Variants in CHM observed in about 807,000 individuals in gnomAD.
CHM encodes CHM Rab escort protein, also known as rab proteins geranylgeranyltransferase component A 1.
CHM carries 10 observed loss-of-function variants against 49.0 expected under a neutral mutation model. That is an observed-to-expected ratio of 0.20 (90% CI 0.13 to 0.35). The LOEUF is 0.35. CHM is among the 10% of genes least tolerant of loss of function. CHM has a pLI of 1.00. For missense variants in CHM, 455 were observed against 478.4 expected (o/e 0.95, Z 0.46); for synonymous variants, 184 against 167.5 (o/e 1.10, Z -0.76).
intron 2 of CHM, among the ~76,000 whole-genome samples, chrX:86,001,247 C>T (rs1603275344): frequency 9.1e-6 from 1 of 110,292 alleles, no homozygotes; most frequent in Non-Finnish European, 1.9e-5. Context: ...TAAATAGAAA[C>T]GACATGCATA....
chrX:85,930,372 A>C (rs1315814073), intron 8 of CHM, among the ~76,000 whole-genome samples: 1 of 111,558 alleles, frequency 9.0e-6, no homozygotes, highest in Non-Finnish European at 1.9e-5. Context: ...TCTGTTTTCA[A>C]AGAGGACATA....
intron 4 of CHM, among the ~76,000 whole-genome samples, chrX:85,976,865 AACACACACAAACACAC>A (rs1280812554): frequency 1.5e-3 from 108 of 71,153 alleles, no homozygotes; most frequent in African/African-American, 4.5e-3. Flanking sequence ...CTAGGGGGAA[AACACACACAAACACAC>A]ACACACACAC....
At chrX:85,957,060 A>C (rs1207780389) in intron 7 of CHM, among the ~76,000 whole-genome samples, 6 of 112,299 alleles carry the variant, frequency 5.3e-5, no homozygotes, top group Non-Finnish European at 7.5e-5. Context: ...TGAATTTTAC[A>C]CAGCCACTGT....
At chrX:85,887,223 C>A (rs932577247) in intron 12 of CHM, among the ~76,000 whole-genome samples, 2 of 110,233 alleles carry the variant, frequency 1.8e-5, no homozygotes, top group East Asian at 2.9e-4. Flanking sequence ...ATGGACCCAG[C>A]GGGAGGTAAC....
At chrX:85,949,366 T>G (rs1156867610) in intron 8 of CHM, among the ~76,000 whole-genome samples, 2 of 111,808 alleles carry the variant, frequency 1.8e-5, no homozygotes, top group African/African-American at 6.5e-5. Context: ...AACATTCCAT[T>G]TTTGTAAAAC....
At position 86,036,305 on chromosome X, in the gene CHM, T is replaced by TG. The variant is rs796785919; in HGVS notation, c.50-8749dup. The stretch of plus-strand genomic sequence containing the variant: ...GAAAGGCGAGACAACTCAAAGCTGG[T>TG]GGGGGGGGAAGTGCTTCCAGGCTAT... On this transcript the variant is annotated intron_variant, in intron 1 of 14. Coordinates refer to ENST00000357749, the MANE Select transcript of CHM (RefSeq NM_000390.4). 1.3e-4 allele frequency among the ~76,000 whole-genome samples: 14 copies of TG among 110,422 alleles called. No homozygotes were observed. In the South Asian group the frequency reaches 2.0e-3, roughly 15 times the overall value.
In CHM at chrX:85,864,685, G is replaced by T; in HGVS notation, c.1907C>A (p.Ser636Ter). 1 of 1,209,655 alleles carries T rather than the reference G, an allele frequency of 8.3e-7. No homozygotes were observed. The highest frequency in any genetic ancestry group is 1.8e-5 in the South Asian group (1 of 56,630). ...GTTTGTGCTTTCCTTGAAAGTCTCC[G>T]AGTTAGCCTCTGGTATGGCACTGGA... Reference protein sequence around the residue: ...SESSAIPEANSETFKESTNLG... With the variant: ...SESSAIPEAN The change falls in exon 15 of 15, where the codon TCG (serine) becomes TAG (stop). Residue 636 changes from serine to a stop codon, truncating the protein, a stop_gained. Transcript: ENST00000357749. LOFTEE classifies it high-confidence loss of function.
chrX:85,933,926 T>C (rs974182865), intron 8 of CHM, among the ~76,000 whole-genome samples: 1 of 111,704 alleles, frequency 9.0e-6, no homozygotes, highest in Admixed American at 9.5e-5. Flanking sequence ...GTGTTGTCAC[T>C]CAGTACATGA....
chrX:85,908,982 C>T (rs913984036), intron 9 of CHM, among the ~76,000 whole-genome samples: 2 of 111,659 alleles, frequency 1.8e-5, no homozygotes, highest in African/African-American at 3.3e-5. Flanking sequence ...AAAGAACTAT[C>T]TAAGAACTCA....
chrX:85,919,526 T>C (rs1460491075), intron 8 of CHM, among the ~76,000 whole-genome samples: 2 of 110,976 alleles, frequency 1.8e-5, no homozygotes, highest in Non-Finnish European at 3.8e-5. Flanking sequence ...TAACTACTTA[T>C]AGTAAATCAT....
At chrX:85,876,297 T>C (rs1300827390) in intron 13 of CHM, among the ~76,000 whole-genome samples, 1 of 111,604 alleles carries the variant, frequency 9.0e-6, no homozygotes, top group Non-Finnish European at 1.9e-5. Flanking sequence ...AAAGAAAATA[T>C]GCCCAAATAA....
chrX:85,957,796 A>G, intron 7 of CHM, 59 bp downstream of exon 7: 1 of 1,172,103 alleles, frequency 8.5e-7, no homozygotes, highest in Non-Finnish European at 1.2e-6. Context: ...CAGAGCAAGC[A>G]TATTAAAATA....
chrX:86,014,577 G>C (rs946048894), intron 2 of CHM, among the ~76,000 whole-genome samples: 1 of 112,811 alleles, frequency 8.9e-6, no homozygotes, highest in Non-Finnish European at 1.9e-5. Context: ...ACACTGCCAG[G>C]ACCAGGCGAG....
chrX:85,925,602 C>T (rs1928035407), intron 8 of CHM, among the ~76,000 whole-genome samples: 1 of 111,383 alleles, frequency 9.0e-6, no homozygotes, highest in Admixed American at 9.6e-5. Flanking sequence ...TGCTCAATCT[C>T]CTTTCTTGGG....
At chrX:85,982,437 T>C (rs983474738) in intron 2 of CHM, among the ~76,000 whole-genome samples, 9 of 112,238 alleles carry the variant, frequency 8.0e-5, no homozygotes, top group African/African-American at 2.9e-4. Context: ...ATAAGTATAA[T>C]AGAAACAAAA....
chrX:86,042,010 G>C (rs1221592840), intron 1 of CHM, among the ~76,000 whole-genome samples: 2 of 109,633 alleles, frequency 1.8e-5, no homozygotes, highest in Non-Finnish European at 3.8e-5. Context: ...GAAATCACTT[G>C]TGTTAAGGCT....
At position 86,009,980 on chromosome X, in the gene CHM, A is replaced by G. The variant is rs557462187; in HGVS notation, c.116+17511T>C. 2.4e-4 allele frequency among the ~76,000 whole-genome samples: 26 copies of G among 110,162 alleles called. No individual in the cohort carries two copies. The South Asian group carries it at 9.1e-3, about 39-fold the overall frequency. On this transcript the variant is annotated intron_variant, in intron 2 of 14. Coordinates refer to ENST00000357749, the MANE Select transcript of CHM (RefSeq NM_000390.4). The stretch of plus-strand genomic sequence containing the variant: ...AGACTGGATAAAGAAAATGTGGCAC[A>G]TATACAACATGGAATACTATGCAGC...
chrX:86,006,548 A>T (rs1046190801), intron 2 of CHM, among the ~76,000 whole-genome samples: 2 of 112,276 alleles, frequency 1.8e-5, no homozygotes, highest in Non-Finnish European at 3.8e-5. Context: ...TTAAGCTGAT[A>T]AGCAACTTCA....
At chrX:85,904,082 A>G (rs968650214) in intron 9 of CHM, among the ~76,000 whole-genome samples, 4 of 112,015 alleles carry the variant, frequency 3.6e-5, no homozygotes, top group African/African-American at 1.3e-4. Context: ...TTTGTATTAT[A>G]AAGATTCATA....
Sources: gnomAD v4.1 joint callset for allele counts (sites outside exome capture counted in the v4.1 genomes callset) on GRCh38, gnomAD v4.1.1 for gene constraint, MANE v1.5 for transcripts, NCBI Gene and HGNC (gene_info 2026-07-23, HGNC 2026-07-21) for gene names.